Variants in RAP1GAP2 observed in about 807,000 individuals in gnomAD.
RAP1GAP2 encodes the protein rap1 GTPase-activating protein 2.
Under a neutral mutation model 95.0 loss-of-function variants are expected in RAP1GAP2, and 27 were observed. The observed-to-expected ratio is 0.28, with a 90% CI of 0.21 to 0.39. The LOEUF (loss-of-function observed/expected upper bound fraction) is 0.39, where lower values mean the gene tolerates loss of function less well. RAP1GAP2 is among the 10% of genes least tolerant of loss of function. The pLI, the probability that RAP1GAP2 is intolerant of heterozygous loss-of-function variation, is 1.00. For missense variants in RAP1GAP2, 771 were observed against 970.0 expected (o/e 0.79, Z 2.72); for synonymous variants, 373 against 380.9 (o/e 0.98, Z 0.24).
rs2047407756 is a variant in RAP1GAP2 at position 3,034,150 on chromosome 17, TG to T, written c.*793del. 6.4e-6 allele frequency: 1 copy of T among 155,950 alleles called. No individual in the cohort carries two copies. The highest frequency in any genetic ancestry group is 2.4e-5 in the African/African-American group (1 of 41,318). The allele number at this position is 155,950 out of a possible 1,614,324, so 9.7% of individuals were successfully genotyped here. A position where few individuals can be genotyped will look rare whatever the true frequency, so the allele number is the denominator to read the frequency against. The stretch of plus-strand genomic sequence containing the variant: ...CGGTTTCTCCTGATTATGGCTGCTG[TG>T]GGGTGAGGGGAGGGAGGGGCAGCCC... On this transcript the variant is annotated 3_prime_UTR_variant, in exon 25 of 25. Coordinates refer to ENST00000254695, the MANE Select transcript of RAP1GAP2 (RefSeq NM_015085.5). This position sits in a 1 kb window ranked among gnomAD's most constrained non-coding sequence, Gnocchi z 5.1.
At chr17:2,907,049 A>G (rs1038064188) in intron 3 of RAP1GAP2, among the ~76,000 whole-genome samples, 1 of 152,114 alleles carries the variant, frequency 6.6e-6, no homozygotes, top group Admixed American at 6.6e-5. Flanking sequence ...GAAGGGTGGT[A>G]GCAGCTCCTA....
At position 3,029,012 on chromosome 17, in the gene RAP1GAP2, C is replaced by G. The variant is rs1468323455; in HGVS notation, c.2108-1910C>G. 6.6e-6 allele frequency among the ~76,000 whole-genome samples: 1 copy of G among 152,110 alleles called. No homozygotes were observed. Among genetic ancestry groups the G allele is most frequent in the Admixed American group, 6.5e-5 (1 of 15,270 alleles). On this transcript the variant is annotated intron_variant, in intron 22 of 24. Transcript: ENST00000254695. This position sits in a 1 kb window ranked among gnomAD's most constrained non-coding sequence, Gnocchi z 4.4. ...ACACAGTTTCACCATGTTGGCCAGG[C>G]TGGTCTCGAACTCCTGACCTCGTGA... is the stretch of plus-strand genomic sequence containing the variant.
chr17:2,929,891 C>T (rs2043086978), intron 3 of RAP1GAP2, among the ~76,000 whole-genome samples: 1 of 152,200 alleles, frequency 6.6e-6, no homozygotes, highest in Non-Finnish European at 1.5e-5. Context: ...CACCAGTGCA[C>T]CCACTTCTCC....
intron 2 of RAP1GAP2, among the ~76,000 whole-genome samples, chr17:2,821,534 C>A (rs2070306240): frequency 6.6e-6 from 1 of 151,958 alleles, no homozygotes; most frequent in South Asian, 2.1e-4. Context: ...GCCACCATGC[C>A]TGGCTAATTT....
chr17:2,850,749 CAAAA>C (rs11323119), intron 2 of RAP1GAP2, among the ~76,000 whole-genome samples: 3 of 91,288 alleles, frequency 3.3e-5, no homozygotes, highest in Admixed American at 1.2e-4. Context: ...GACTCCACCT[CAAAA>C]AAAAAAAAAA....
At chr17:2,794,517 C>A (rs2069015174), upstream of RAP1GAP2, among the ~76,000 whole-genome samples, 1 of 152,202 alleles carries the variant, frequency 6.6e-6, no homozygotes, top group South Asian at 2.1e-4. Context: ...GCATGAACCA[C>A]ACAATCCTAA....
chr17:2,811,825 C>A (rs1182760820), intron 2 of RAP1GAP2, among the ~76,000 whole-genome samples: 1 of 152,118 alleles, frequency 6.6e-6, no homozygotes, highest in Non-Finnish European at 1.5e-5. Flanking sequence ...GTGATCCGCC[C>A]ACCTCTGCTT....
At chr17:2,836,743 G>A (rs1000348289) in intron 2 of RAP1GAP2, among the ~76,000 whole-genome samples, 5 of 152,106 alleles carry the variant, frequency 3.3e-5, no homozygotes, top group African/African-American at 1.2e-4. Flanking sequence ...CTATCTCTTG[G>A]CTCTAATTCC....
chr17:3,011,285 C>A (rs537064114), intron 17 of RAP1GAP2, among the ~76,000 whole-genome samples: 1 of 152,248 alleles, frequency 6.6e-6, no homozygotes, highest in Non-Finnish European at 1.5e-5. Context: ...GTTCCCTGTC[C>A]CTTTCGTCAT....
At chr17:2,984,155 C>A (rs1216001392) in intron 10 of RAP1GAP2, among the ~76,000 whole-genome samples, 1 of 152,060 alleles carries the variant, frequency 6.6e-6, no homozygotes, top group Non-Finnish European at 1.5e-5. Context: ...TCGAGACCAG[C>A]CTGGCCAACA....
upstream of RAP1GAP2, among the ~76,000 whole-genome samples, chr17:2,792,797 G>T (rs1290076109): frequency 1.3e-5 from 2 of 152,220 alleles, no homozygotes; most frequent in Admixed American, 6.5e-5. Context: ...CGGAGGCCTC[G>T]AAACGCACCC....
At chr17:2,985,591 C>T (rs1051217287) in intron 11 of RAP1GAP2, among the ~76,000 whole-genome samples, 3 of 152,322 alleles carry the variant, frequency 2.0e-5, no homozygotes, top group African/African-American at 7.2e-5. Flanking sequence ...TTTCTATCTT[C>T]CTCCTTTGGA....
intron 10 of RAP1GAP2, among the ~76,000 whole-genome samples, chr17:2,983,219 CT>C (rs532758860): frequency 0.012 from 1,731 of 148,804 alleles, 27 homozygotes; most frequent in African/African-American, 0.036. Flanking sequence ...TGAATCCCTC[CT>C]TTTTTTTTTT....
chr17:2,932,439 A>T (rs187135628), intron 3 of RAP1GAP2, among the ~76,000 whole-genome samples: 9 of 152,016 alleles, frequency 5.9e-5, no homozygotes, highest in Admixed American at 5.9e-4. Flanking sequence ...GAGGAGAGGG[A>T]GGAAGGGTGT....
intron 17 of RAP1GAP2, among the ~76,000 whole-genome samples, chr17:3,010,909 AT>A (rs147716031): frequency 6.6e-6 from 1 of 151,592 alleles, no homozygotes; most frequent in Admixed American, 6.6e-5. Flanking sequence ...TTGTGACCAG[AT>A]TTTTTTTAAA....
intron 3 of RAP1GAP2, among the ~76,000 whole-genome samples, chr17:2,924,445 C>T (rs1161738979): frequency 6.6e-6 from 1 of 152,006 alleles, no homozygotes; most frequent in Non-Finnish European, 1.5e-5. Context: ...AATAGGATGG[C>T]TGGTTGTCTC....
At chr17:2,929,313 G>C (rs2043065185) in intron 3 of RAP1GAP2, among the ~76,000 whole-genome samples, 1 of 152,216 alleles carries the variant, frequency 6.6e-6, no homozygotes, top group South Asian at 2.1e-4. Context: ...AGGCTGTGGA[G>C]GGGGCAGGGC....
chr17:2,783,035 C>T (rs767032860), intron 1 of RAP1GAP2, among the ~76,000 whole-genome samples: 22 of 152,184 alleles, frequency 1.4e-4, no homozygotes, highest in African/African-American at 3.6e-4. Context: ...CAAACCATCC[C>T]CATTTTATGA....
At chr17:2,937,383 A>C (rs576897663) in intron 3 of RAP1GAP2, among the ~76,000 whole-genome samples, 1 of 152,188 alleles carries the variant, frequency 6.6e-6, no homozygotes, top group South Asian at 2.1e-4. Context: ...AGGGGGTTGC[A>C]GAAGTGTTCT....
Sources: allele counts gnomAD v4.1 joint callset (sites outside exome capture counted in the v4.1 genomes callset), GRCh38; gene constraint gnomAD v4.1.1; non-coding constraint Gnocchi (gnomAD v3.1); transcripts MANE v1.5; gene names NCBI Gene and HGNC (gene_info 2026-07-23, HGNC 2026-07-21).